Variants in DCDC2C observed in about 807,000 individuals in gnomAD.
The protein encoded by DCDC2C is doublecortin domain-containing protein 2C.
In DCDC2C, 44 loss-of-function variants were observed where a neutral mutation model predicts 45.0. The ratio of observed to expected loss-of-function variants is 0.98; its 90% CI spans 0.77 to 1.26. The LOEUF is 1.26. Ranked by LOEUF, DCDC2C falls within the 50% of genes most tolerant of loss-of-function variation. The probability of loss-of-function intolerance (pLI) is 0.00; values close to 1 mark genes in which losing one functional copy is unlikely to be tolerated. For missense variants in DCDC2C, 447 were observed against 468.9 expected, an observed-to-expected ratio of 0.95 and a Z score of 0.43; for synonymous variants, 187 against 178.8, an observed-to-expected ratio of 1.05 and a Z score of -0.37.
At chr2:3,837,997 G>C (rs1245111632) in intron 10 of DCDC2C, among the ~76,000 whole-genome samples, 2 of 152,214 alleles carry the variant, frequency 1.3e-5, no homozygotes, top group East Asian at 1.9e-4. Context: ...TGTGGAGTGG[G>C]GAGGTGGAGC....
chr2:3,818,276 C>T lies in DCDC2C; in HGVS notation c.1066-28878C>T, dbSNP rs1020151810. On this transcript the variant is annotated intron_variant, in intron 10 of 10. Transcript: ENST00000399143. The surrounding 1 kb of genome is among the most constrained non-coding windows in gnomAD (Gnocchi z 4.7). Reference sequence around the variant, plus strand: ...CATGAAGCCTTGTGGCAGTACAGCCCAGGTAATTTGCTGAGCCTGATGGGT... The same window carrying T: ...CATGAAGCCTTGTGGCAGTACAGCCTAGGTAATTTGCTGAGCCTGATGGGT... 1.3e-5 allele frequency among the ~76,000 whole-genome samples: 2 copies of T among 152,090 alleles called. No homozygotes were observed. Among genetic ancestry groups the T allele is most frequent in the Non-Finnish European group, 2.9e-5 (2 of 68,020 alleles).
chr2:3,763,544 C>T (rs556877114), intron 6 of DCDC2C, among the ~76,000 whole-genome samples: 4 of 152,340 alleles, frequency 2.6e-5, no homozygotes, highest in Admixed American at 6.5e-5. Context: ...CAAGAGCACC[C>T]GCCAAGGTGG....
At chr2:3,843,558 T>A (rs141479118) in intron 10 of DCDC2C, among the ~76,000 whole-genome samples, 1 of 152,348 alleles carries the variant, frequency 6.6e-6, no homozygotes, top group African/African-American at 2.4e-5. Flanking sequence ...AAAGGTAATG[T>A]TAGCATCAGG....
Position 3,703,991 on chromosome 2 carries a change from G to T in DCDC2C, c.240G>T (p.Ala80=). 1 of 1,294,594 alleles carries T rather than the reference G, an allele frequency of 7.7e-7. No individual in the cohort carries two copies. The highest frequency in any genetic ancestry group is 2.3e-5 in the South Asian group (1 of 44,034). 80.2% of individuals were successfully genotyped at this position (1,294,594 alleles called of 1,614,324 possible). A position where few individuals can be genotyped will look rare whatever the true frequency, so the allele number is the denominator to read the frequency against. The change falls in exon 1 of 11, where the codon GCG becomes GCT. Residue 80 remains alanine, a synonymous_variant. Coordinates refer to ENST00000399143, the MANE Select transcript of DCDC2C (RefSeq NM_001287444.2). This position sits in a 1 kb window ranked among gnomAD's most constrained non-coding sequence, Gnocchi z 4.4. Reference sequence around the variant, plus strand: ...TGCTGGGGCTGGACGCGCTGCAGGCGGGCGGCAAGTACGTGGCGGCGGGCC... The same window carrying T: ...TGCTGGGGCTGGACGCGCTGCAGGCTGGCGGCAAGTACGTGGCGGCGGGCC... ...HRVLGLDALQ[A]GGKYVAAGRE...
intron 1 of DCDC2C, among the ~76,000 whole-genome samples, chr2:3,706,672 A>G (rs1210634018): frequency 6.6e-6 from 1 of 152,164 alleles, no homozygotes; most frequent in African/African-American, 2.4e-5. Flanking sequence ...TATTTGAATC[A>G]AAGTCTCCTC....
At chr2:3,706,619 GTTTAC>G (rs1668071559) in intron 1 of DCDC2C, among the ~76,000 whole-genome samples, 1 of 152,130 alleles carries the variant, frequency 6.6e-6, no homozygotes, top group Non-Finnish European at 1.5e-5. Context: ...ATATTACCCT[GTTTAC>G]TTTAGAGCTT....
intron 10 of DCDC2C, among the ~76,000 whole-genome samples, chr2:3,834,024 G>A (rs889868545): frequency 9.2e-5 from 14 of 151,970 alleles, no homozygotes; most frequent in Non-Finnish European, 1.3e-4. Flanking sequence ...TTTATGTTTC[G>A]GAGCAGTTTT....
chr2:3,763,746 T>G (rs1432690302), intron 6 of DCDC2C, among the ~76,000 whole-genome samples: 1 of 152,256 alleles, frequency 6.6e-6, no homozygotes, highest in Admixed American at 6.5e-5. Context: ...GAATGGACTC[T>G]GCTCTTTTGG....
At chr2:3,780,192 A>G (rs1263251470) in intron 9 of DCDC2C, among the ~76,000 whole-genome samples, 1 of 152,102 alleles carries the variant, frequency 6.6e-6, no homozygotes, top group East Asian at 1.9e-4. Context: ...CAGTGCAGAC[A>G]TTTGTCTTAG....
At chr2:3,733,379 T>C (rs1300325759) in intron 3 of DCDC2C, among the ~76,000 whole-genome samples, 1 of 152,234 alleles carries the variant, frequency 6.6e-6, no homozygotes, top group Non-Finnish European at 1.5e-5. Context: ...ATGAGTCAGG[T>C]GTAAACCACA....
At chr2:3,791,392 C>T (rs560787053) in intron 10 of DCDC2C, among the ~76,000 whole-genome samples, 2 of 152,158 alleles carry the variant, frequency 1.3e-5, no homozygotes, top group East Asian at 3.9e-4. Flanking sequence ...CACGGATGGA[C>T]CAATCGCCTT....
At chr2:3,712,117 AC>A (rs1286657119) in intron 2 of DCDC2C, among the ~76,000 whole-genome samples, 7 of 152,208 alleles carry the variant, frequency 4.6e-5, no homozygotes, top group Non-Finnish European at 7.3e-5. Flanking sequence ...TGGAACCACC[AC>A]CAAGAGCTTT....
At chr2:3,846,110 CCTTT>C (rs1672321148) in intron 10 of DCDC2C, among the ~76,000 whole-genome samples, 2 of 151,916 alleles carry the variant, frequency 1.3e-5, no homozygotes, top group Non-Finnish European at 2.9e-5. Context: ...CTCCTTCCTT[CCTTT>C]CTCCCTCCTT....
rs934056109 is a variant in DCDC2C at position 3,847,665 on chromosome 2, G to A, written c.*482G>A. The stretch of plus-strand genomic sequence containing the variant: ...TGAAAAGGAAAAAAATCCAGGGTTC[G>A]CTGGTGACATGGTTTGGCTGTATGT... On this transcript the variant is annotated 3_prime_UTR_variant, in exon 11 of 11. Coordinates refer to ENST00000399143, the MANE Select transcript of DCDC2C (RefSeq NM_001287444.2). Among the ~76,000 whole-genome samples the A allele has an allele frequency of 6.6e-6, 1 of 152,124 alleles. No homozygotes were observed. Among genetic ancestry groups the A allele is most frequent in the Admixed American group, 6.6e-5 (1 of 15,264 alleles).
Position 3,708,605 on chromosome 2 carries a change from G to A in DCDC2C, c.339+5G>A, listed in dbSNP as rs763668997. On this transcript the variant is annotated splice_donor_5th_base_variant and intron_variant, in intron 2 of 10. Coordinates refer to ENST00000399143, the MANE Select transcript of DCDC2C (RefSeq NM_001287444.2). ...AAGATAAGGAAGTTGAAGGAAGTAA[G>A]TGTTTGCTTCTAACAACTAATAATG... 3 of 1,547,196 alleles carry A rather than the reference G, an allele frequency of 1.9e-6. No individual in the cohort carries two copies. The highest frequency in any genetic ancestry group is 1.7e-6 in the Non-Finnish European group (2 of 1,144,494).
chr2:3,728,007 T>C (rs1668744783), intron 3 of DCDC2C, among the ~76,000 whole-genome samples: 1 of 152,224 alleles, frequency 6.6e-6, no homozygotes, highest in African/African-American at 2.4e-5. Context: ...TCTTTCCATT[T>C]TACCATGTTC....
At chr2:3,733,990 A>G (rs979360102) in intron 3 of DCDC2C, among the ~76,000 whole-genome samples, 2 of 152,098 alleles carry the variant, frequency 1.3e-5, no homozygotes, top group African/African-American at 4.8e-5. Context: ...TTATTTTCCC[A>G]AGTGTCATCT....
chr2:3,749,577 G>T (rs1299156674), intron 4 of DCDC2C, among the ~76,000 whole-genome samples: 2 of 152,158 alleles, frequency 1.3e-5, no homozygotes, highest in East Asian at 1.9e-4. Flanking sequence ...AGTAGACTTT[G>T]TACCTCTCTT....
chr2:3,716,563 T>C (rs1301156807), intron 2 of DCDC2C, among the ~76,000 whole-genome samples: 2 of 151,796 alleles, frequency 1.3e-5, no homozygotes, highest in African/African-American at 4.8e-5. Flanking sequence ...AGGAGAGAAA[T>C]GTAGAGGTAA....
Sources: gnomAD v4.1 joint callset for allele counts (sites outside exome capture counted in the v4.1 genomes callset) on GRCh38, gnomAD v4.1.1 for gene constraint, Gnocchi (gnomAD v3.1) non-coding constraint, MANE v1.5 for transcripts, NCBI Gene and HGNC (gene_info 2026-07-23, HGNC 2026-07-21) for gene names.